The following C6orf118 variants were observed in gnomAD, a reference collection of about 807,000 sequenced individuals.
The protein encoded by C6orf118 is chromosome 6 open reading frame 118, also known as uncharacterized protein C6orf118.
C6orf118 carries 50 observed loss-of-function variants against 50.2 expected under a neutral mutation model. The ratio of observed to expected loss-of-function variants is 1.00; its 90% CI spans 0.79 to 1.26. C6orf118 has a LOEUF of 1.26. Among genes scored for constraint, C6orf118 ranks in the 50% most tolerant of loss-of-function variants. The pLI is 0.00. For synonymous variants in C6orf118, 239 were observed against 230.9 expected, an observed-to-expected ratio of 1.03 and a Z score of -0.32; for missense variants, 641 against 578.7, an observed-to-expected ratio of 1.11 and a Z score of -1.10.
rs1780534905 is a variant in C6orf118, at chr6:165,301,512, CGAGAGCTATGCCCT to C, written c.753+43_753+56del. ...GAGCTGTGCCCTGAGAGCACTGCAC[CGAGAGCTATGCCCT>C]GAGAGCTCTTCCCTGAGACCACCGC... On this transcript the variant is annotated intron_variant, in intron 2 of 8. Coordinates refer to ENST00000230301, the MANE Select transcript of C6orf118 (RefSeq NM_144980.4). 5 of 1,549,998 alleles carry C rather than the reference CGAGAGCTATGCCCT, an allele frequency of 3.2e-6. No individual in the cohort carries two copies. In the Admixed American group the frequency reaches 9.1e-5, roughly 28 times the overall value.
chr6:165,281,619 T>C, intron 8 of C6orf118, 21 bp downstream of exon 8: 1 of 1,491,032 alleles, frequency 6.7e-7, no homozygotes, highest in Admixed American at 2.5e-5. Flanking sequence ...TGATAAACAT[T>C]GATTCACACA....
At chr6:165,289,383 T>A (rs953540249) in intron 7 of C6orf118, among the ~76,000 whole-genome samples, 3 of 152,192 alleles carry the variant, frequency 2.0e-5, no homozygotes, top group Admixed American at 6.5e-5. Flanking sequence ...TTATATACTC[T>A]ACAACTGGAG....
rs141259354 is a variant in C6orf118 at position 165,288,742 on chromosome 6, C to T, written c.1302+1144G>A. Reference sequence around the variant, plus strand: ...AAGTGGGAGCTGAACAATGAGAATGCATGGACACAGGAAGGGGAACAACAC... The same window carrying T: ...AAGTGGGAGCTGAACAATGAGAATGTATGGACACAGGAAGGGGAACAACAC... On this transcript the variant is annotated intron_variant, in intron 7 of 8. Transcript: ENST00000230301. Among the ~76,000 whole-genome samples the T allele has an allele frequency of 6.4e-4, 97 of 152,130 alleles. 1 individual carries two copies. Among genetic ancestry groups the T allele is most frequent in the Admixed American group, 2.3e-3 (35 of 15,272 alleles).
At chr6:165,288,791 G>A (rs181123382) in intron 7 of C6orf118, among the ~76,000 whole-genome samples, 76 of 152,206 alleles carry the variant, frequency 5.0e-4, no homozygotes, top group African/African-American at 1.8e-3. Context: ...TCAGGAGGGT[G>A]AAGGGAGGTA....
chr6:165,299,566 C>T lies in C6orf118; in HGVS notation c.877-64G>A, dbSNP rs375372484. 4.3e-5 allele frequency: 54 copies of T among 1,258,114 alleles called. 1 individual carries two copies. Among genetic ancestry groups the T allele is most frequent in the South Asian group, 1.2e-4 (10 of 80,070 alleles). 77.9% of individuals were successfully genotyped at this position (1,258,114 alleles called of 1,614,324 possible). A position where few individuals can be genotyped will look rare whatever the true frequency, so the allele number is the denominator to read the frequency against. Reference sequence around the variant, plus strand: ...AGGAGGCCACAGTGCAGGTGTTTCACGTGTATAAATAATACGGAAGTCAAG... The same window carrying T: ...AGGAGGCCACAGTGCAGGTGTTTCATGTGTATAAATAATACGGAAGTCAAG... On this transcript the variant is annotated intron_variant, in intron 3 of 8. Coordinates refer to ENST00000230301, the MANE Select transcript of C6orf118 (RefSeq NM_144980.4).
intron 2 of C6orf118, 46 bp downstream of exon 2, chr6:165,301,523 C>G: frequency 6.4e-7 from 1 of 1,565,798 alleles, no homozygotes; most frequent in African/African-American, 1.3e-5. Flanking sequence ...GAGAGCTATG[C>G]CCTGAGAGCT....
rs1209562323 is a variant in C6orf118, at chr6:165,301,602, C to T, written c.720G>A (p.Lys240=). ...GCTTTCTCTCGTGGCCCGCGGCCGC[C>T]TTGCTCCCAGTGAAGTCATTCTTCA... ...DLLKNDFTGS[K]AAAGHERKLQ... The change falls in exon 2 of 9, where the codon AAG becomes AAA. Residue 240 remains lysine, a synonymous_variant. Transcript: ENST00000230301. 1.2e-6 allele frequency: 2 copies of T among 1,613,950 alleles called. No homozygotes were observed. Among genetic ancestry groups the T allele is most frequent in the East Asian group, 4.5e-5 (2 of 44,856 alleles).
chr6:165,290,305 T>G (rs1780064124), intron 6 of C6orf118, among the ~76,000 whole-genome samples: 1 of 152,136 alleles, frequency 6.6e-6, no homozygotes, highest in Non-Finnish European at 1.5e-5. Context: ...GACACTGGGC[T>G]AGGTAGAAAG....
At chr6:165,307,153 AT>A (rs1344146142) in intron 1 of C6orf118, among the ~76,000 whole-genome samples, 8 of 152,174 alleles carry the variant, frequency 5.3e-5, no homozygotes, top group African/African-American at 1.7e-4. Context: ...AGTATTAAAC[AT>A]TTTTAAACAG....
intron 7 of C6orf118, among the ~76,000 whole-genome samples, chr6:165,285,990 GT>G (rs200172358): frequency 0.017 from 2,607 of 150,950 alleles, 75 homozygotes; most frequent in African/African-American, 0.06. Flanking sequence ...CTAGGAGATG[GT>G]TTTTTTGAAA....
At chr6:165,293,783 T>A (rs568648490) in intron 5 of C6orf118, among the ~76,000 whole-genome samples, 10 of 152,140 alleles carry the variant, frequency 6.6e-5, no homozygotes, top group South Asian at 4.1e-4. Flanking sequence ...GCAAAAAAAA[T>A]TTAAAAAAGA....
chr6:165,305,726 CTCA>C lies in C6orf118; in HGVS notation c.26-3433_26-3431del, dbSNP rs1411295449. ...CAGCCAAAAAACACATGAAGAAATG[CTCA>C]TCATCACTGGCCATCAGAGAAATGC... is the stretch of plus-strand genomic sequence containing the variant. On this transcript the variant is annotated intron_variant, in intron 1 of 8. Coordinates refer to ENST00000230301, the MANE Select transcript of C6orf118 (RefSeq NM_144980.4). 7.5e-5 allele frequency among the ~76,000 whole-genome samples: 9 copies of C among 120,608 alleles called. No homozygotes were observed. In the East Asian group the frequency reaches 1.9e-3, roughly 26 times the overall value. The allele number at this position is 120,608 out of a possible 152,430, so 79.1% of individuals were successfully genotyped here.
chr6:165,307,564 A>AT (rs1780787617), intron 1 of C6orf118, among the ~76,000 whole-genome samples: 1 of 143,834 alleles, frequency 7.0e-6, no homozygotes, highest in African/African-American at 2.8e-5. Flanking sequence ...TCAAAAAAAA[A>AT]AAAAATTTTT....
At chr6:165,286,296 A>T (rs940046528) in intron 7 of C6orf118, among the ~76,000 whole-genome samples, 5 of 151,986 alleles carry the variant, frequency 3.3e-5, no homozygotes, top group Admixed American at 6.6e-5. Flanking sequence ...TAGTCCACAA[A>T]TTTTTTTTAA....
In C6orf118 at chr6:165,301,920, G is replaced by C; in HGVS notation, c.402C>G (p.Pro134=). 1 of 1,613,804 alleles carries C rather than the reference G, an allele frequency of 6.2e-7. No homozygotes were observed. The highest frequency in any genetic ancestry group is 8.5e-7 in the Non-Finnish European group (1 of 1,180,012). The stretch of plus-strand genomic sequence containing the variant: ...CTGAAGTGTGGGAAAGAGAGGCCTG[G>C]GGGTTCAGGTACCTGAACAGCGGGG... ...QDTPLFRYLN[P]QASLSHTSEE... The change falls in exon 2 of 9, where the codon CCC becomes CCG. Residue 134 remains proline, a synonymous_variant. Transcript: ENST00000230301.
chr6:165,306,854 T>C (rs1780754809), intron 1 of C6orf118, among the ~76,000 whole-genome samples: 1 of 152,192 alleles, frequency 6.6e-6, no homozygotes, highest in Non-Finnish European at 1.5e-5. Flanking sequence ...ATTCTTGTAA[T>C]ATATGCCATG....
intron 4 of C6orf118, among the ~76,000 whole-genome samples, chr6:165,298,661 A>G (rs1780402155): frequency 6.6e-6 from 1 of 152,166 alleles, no homozygotes; most frequent in Admixed American, 6.5e-5. Context: ...CTCAATCTCA[A>G]AACGTAAGGA....
Position 165,300,477 on chromosome 6 carries a change from T to G in C6orf118, c.763A>C (p.Lys255Gln). The G allele has an allele frequency of 6.2e-7, 1 of 1,610,034 alleles. No homozygotes were observed. The highest frequency in any genetic ancestry group is 1.7e-4 in the Middle Eastern group (1 of 6,036). Residue 255 changes from lysine to glutamine, a missense_variant, in exon 3 of 9, where the codon AAA becomes CAA. Transcript: ENST00000230301. The stretch of plus-strand genomic sequence containing the variant: ...TGCTGGGGGCTGCACGTGCAAATTT[T>G]CTGGAGCTCCTGGAGGAAAAACAGA... The part of the protein sequence containing the change: ...HERKLQQELQ[K>Q]ICTCSPQQFN...
intron 6 of C6orf118, chr6:165,293,187 C>T: frequency 6.3e-6 from 3 of 472,548 alleles, no homozygotes; most frequent in East Asian, 3.1e-5. Flanking sequence ...CGTATTTTTC[C>T]TCACATGTAA....
Sources: gnomAD v4.1 joint callset for allele counts (sites outside exome capture counted in the v4.1 genomes callset) on GRCh38, gnomAD v4.1.1 for gene constraint, MANE v1.5 for transcripts, NCBI Gene and HGNC (gene_info 2026-07-23, HGNC 2026-07-21) for gene names.